MED12L: variants seen among roughly 807,000 people sequenced by gnomAD.
MED12L encodes mediator complex subunit 12L.
In MED12L, 60 loss-of-function variants were observed where a neutral mutation model predicts 281.3. That is an observed-to-expected ratio of 0.21 (90% CI 0.17 to 0.26). The LOEUF (loss-of-function observed/expected upper bound fraction) is 0.26. MED12L is among the 10% of genes least tolerant of loss of function. The pLI is 1.00. For missense variants in MED12L, 2,146 were observed against 2,680.9 expected (o/e 0.80, Z 4.41); for synonymous variants, 974 against 987.2 (o/e 0.99, Z 0.25).
chr3:151,390,810 A>T (rs1169645274), intron 38 of MED12L, among the ~76,000 whole-genome samples: 2 of 152,086 alleles, frequency 1.3e-5, no homozygotes, highest in East Asian at 3.8e-4. Flanking sequence ...TTATAACTTG[A>T]GTTTGACATT....
At chr3:151,344,299 A>T (rs1401416108) in intron 16 of MED12L, among the ~76,000 whole-genome samples, 1 of 39,898 alleles carries the variant, frequency 2.5e-5, no homozygotes, top group African/African-American at 2.1e-4. Flanking sequence ...TATAGTTACT[A>T]ATGATTAAAA....
At chr3:151,193,005 G>A (rs1022252066) in intron 15 of MED12L, among the ~76,000 whole-genome samples, 2 of 151,638 alleles carry the variant, frequency 1.3e-5, no homozygotes, top group Non-Finnish European at 1.5e-5. Context: ...GGTGGCTTTG[G>A]GCCTATTATG....
At chr3:151,339,642 TA>T (rs546314914) in intron 16 of MED12L, among the ~76,000 whole-genome samples, 44 of 145,360 alleles carry the variant, frequency 3.0e-4, no homozygotes, top group East Asian at 4.0e-4. Context: ...TTTAAAACAG[TA>T]AAAAAAAAAA....
Position 151,262,996 on chromosome 3 carries a change from C to G in MED12L, c.2250+69330C>G, listed in dbSNP as rs369323066. On this transcript the variant is annotated intron_variant, in intron 16 of 44. Transcript: ENST00000687756. ...TCTCTAGGGCATCTTAACATGTACC[C>G]TCTGCTGGTCTTTAGGAGGAAGAGA... Among the ~76,000 whole-genome samples the G allele has an allele frequency of 2.2e-4, 34 of 152,232 alleles. 1 individual carries two copies. The highest frequency in any genetic ancestry group is 7.9e-4 in the African/African-American group (33 of 41,542).
intron 16 of MED12L, chr3:151,214,210 C>G: frequency 1.2e-6 from 2 of 1,613,838 alleles, no homozygotes; most frequent in Non-Finnish European, 1.7e-6. Flanking sequence ...GAGTAGGATT[C>G]CTGCAATGAA....
intron 16 of MED12L, among the ~76,000 whole-genome samples, chr3:151,211,584 A>G (rs566903296): frequency 6.6e-6 from 1 of 152,128 alleles, no homozygotes; most frequent in Non-Finnish European, 1.5e-5. Flanking sequence ...GCTTTTCCCC[A>G]ATTTAGGGTA....
At chr3:151,122,549 T>C (rs1713913063) in intron 3 of MED12L, among the ~76,000 whole-genome samples, 1 of 152,190 alleles carries the variant, frequency 6.6e-6, no homozygotes, top group Admixed American at 6.5e-5. Flanking sequence ...TTCCAAAGGC[T>C]CTCCTTAACC....
chr3:151,179,675 G>T (rs747747077), intron 11 of MED12L, among the ~76,000 whole-genome samples: 1 of 152,160 alleles, frequency 6.6e-6, no homozygotes, highest in Non-Finnish European at 1.5e-5. Context: ...TAGGACTTGG[G>T]ATTTACTGCT....
intron 16 of MED12L, among the ~76,000 whole-genome samples, chr3:151,242,749 G>A (rs1655398577): frequency 6.6e-6 from 1 of 152,196 alleles, no homozygotes; most frequent in Admixed American, 6.5e-5. Context: ...ACCAGCAGCG[G>A]AACAAAGCTG....
chr3:151,322,084 T>C (rs1749062652), intron 16 of MED12L, among the ~76,000 whole-genome samples: 1 of 152,236 alleles, frequency 6.6e-6, no homozygotes, highest in African/African-American at 2.4e-5. Context: ...CTATTTCACA[T>C]GGAACATGTT....
At chr3:151,242,468 T>C (rs867398740) in intron 16 of MED12L, among the ~76,000 whole-genome samples, 42 of 151,300 alleles carry the variant, frequency 2.8e-4, no homozygotes, top group Admixed American at 7.9e-4. Context: ...CCCTGACCCC[T>C]GAGCAGCCTA....
chr3:151,116,189 C>G (rs1712783313), intron 2 of MED12L, 149 bp from the exon 3 acceptor site: 1 of 520,872 alleles, frequency 1.9e-6, no homozygotes, highest in Non-Finnish European at 3.5e-6. Flanking sequence ...GGTGTTTAAA[C>G]TTCAATTTCT....
At chr3:151,378,842 C>T (rs1711690214) in intron 31 of MED12L, among the ~76,000 whole-genome samples, 1 of 152,198 alleles carries the variant, frequency 6.6e-6, no homozygotes, top group Non-Finnish European at 1.5e-5. Flanking sequence ...ATGAATAATA[C>T]TATAGTAGCC....
intron 19 of MED12L, among the ~76,000 whole-genome samples, chr3:151,356,922 A>T (rs1247330227): frequency 2.0e-5 from 3 of 152,086 alleles, no homozygotes; most frequent in South Asian, 4.1e-4. Flanking sequence ...GACAAAGGGG[A>T]GAAAAGTGAG....
At chr3:151,272,695 A>T (rs1332652989) in intron 16 of MED12L, among the ~76,000 whole-genome samples, 1 of 152,198 alleles carries the variant, frequency 6.6e-6, no homozygotes, top group Non-Finnish European at 1.5e-5. Context: ...ACAGATGTGC[A>T]GGAGGTGGGG....
intron 16 of MED12L, among the ~76,000 whole-genome samples, chr3:151,303,902 AAAT>A (rs891604810): frequency 6.6e-6 from 1 of 152,278 alleles, no homozygotes; most frequent in African/African-American, 2.4e-5. Context: ...GAGGATTACC[AAAT>A]AATAATAATA....
At chr3:151,408,647 G>T (rs1472455476) in intron 39 of MED12L, among the ~76,000 whole-genome samples, 1 of 152,222 alleles carries the variant, frequency 6.6e-6, no homozygotes, top group Non-Finnish European at 1.5e-5. Flanking sequence ...TTGGTGAACA[G>T]ATGTTAATTG....
At chr3:151,386,030 T>G (rs142341266) in intron 36 of MED12L, among the ~76,000 whole-genome samples, 1 of 152,064 alleles carries the variant, frequency 6.6e-6, no homozygotes, top group South Asian at 2.1e-4. Context: ...GGGGATAGAA[T>G]AGAGGGTCCC....
At position 151,377,325 on chromosome 3, in the gene MED12L, G is replaced by T. The variant is rs145567806; in HGVS notation, c.4316+147G>T. 533 of 667,454 alleles carry T rather than the reference G, an allele frequency of 8.0e-4. No individual in the cohort carries two copies. The African/African-American group carries it at 9.1e-3, about 11-fold the overall frequency. 41.3% of individuals were successfully genotyped at this position (667,454 alleles called of 1,614,324 possible). ...CAGGGATTATTATTAATAAGTTAAT[G>T]AGTAAAGCTGGGGTGAATGATAGCT... On this transcript the variant is annotated intron_variant, in intron 30 of 44. Coordinates refer to ENST00000687756, the MANE Select transcript of MED12L (RefSeq NM_001393769.1).
Sources: gnomAD v4.1 joint callset for allele counts (sites outside exome capture counted in the v4.1 genomes callset) on GRCh38, gnomAD v4.1.1 for gene constraint, MANE v1.5 for transcripts, NCBI Gene and HGNC (gene_info 2026-07-23, HGNC 2026-07-21) for gene names.